Variants in USH2A observed in about 807,000 individuals in gnomAD.
USH2A encodes the protein usherin.
USH2A carries 443 observed loss-of-function variants against 538.9 expected under a neutral mutation model. The observed-to-expected ratio is 0.82, with a 90% CI of 0.76 to 0.89. The LOEUF (loss-of-function observed/expected upper bound fraction) is 0.89, where lower values mean the gene tolerates loss of function less well. Among genes scored for constraint, USH2A ranks in the 40% least tolerant of loss-of-function variants. The probability of loss-of-function intolerance (pLI) is 0.00; values close to 1 mark genes in which losing one functional copy is unlikely to be tolerated. For missense variants in USH2A, 6,633 were observed against 6,324.8 expected (o/e 1.05, Z -1.65); for synonymous variants, 2,413 against 2,273.5 (o/e 1.06, Z -1.75).
At chr1:216,226,231 T>C (rs1159886228) in intron 14 of USH2A, among the ~76,000 whole-genome samples, 6 of 152,226 alleles carry the variant, frequency 3.9e-5, no homozygotes, top group African/African-American at 1.2e-4. Context: ...TCCATGTGGA[T>C]ATAAAATGAG....
chr1:215,642,822 G>T (rs1457265618), intron 67 of USH2A, among the ~76,000 whole-genome samples: 4 of 151,934 alleles, frequency 2.6e-5, no homozygotes, highest in Non-Finnish European at 5.9e-5. Context: ...TTCAAATCAG[G>T]CCATTTTTCC....
At chr1:216,153,146 C>T (rs1334849377) in intron 21 of USH2A, among the ~76,000 whole-genome samples, 8 of 152,178 alleles carry the variant, frequency 5.3e-5, no homozygotes, top group Admixed American at 5.2e-4. Context: ...CCCACATTTA[C>T]CATCCTTCAG....
intron 21 of USH2A, among the ~76,000 whole-genome samples, chr1:216,133,489 G>C (rs2033419156): frequency 6.6e-6 from 1 of 152,084 alleles, no homozygotes; most frequent in African/African-American, 2.4e-5. Context: ...GCTGCACTAA[G>C]CATTAAGTGT....
At chr1:215,653,909 T>C (rs888908921) in intron 64 of USH2A, among the ~76,000 whole-genome samples, 4 of 152,186 alleles carry the variant, frequency 2.6e-5, no homozygotes, top group Non-Finnish European at 5.9e-5. Context: ...GAAAACTTTT[T>C]AGCAATATGT....
At chr1:216,054,347 A>G (rs1039413292) in intron 30 of USH2A, among the ~76,000 whole-genome samples, 13 of 152,166 alleles carry the variant, frequency 8.5e-5, no homozygotes, top group African/African-American at 3.1e-4. Context: ...GGAGCCAAAG[A>G]AAAATATTAA....
At chr1:216,084,505 A>T (rs937937623) in intron 25 of USH2A, among the ~76,000 whole-genome samples, 193 bp downstream of exon 25, 29 of 152,172 alleles carry the variant, frequency 1.9e-4, no homozygotes. Flanking sequence ...ATGGATGTAT[A>T]CTTATGAGTC....
At chr1:216,338,047 T>A (rs11805927) in intron 4 of USH2A, among the ~76,000 whole-genome samples, 2,032 of 151,422 alleles carry the variant, frequency 0.013, 47 homozygotes, top group African/African-American at 0.043. Context: ...TATACTATGA[T>A]CATGGATGAA....
intron 13 of USH2A, among the ~76,000 whole-genome samples, chr1:216,242,637 C>T (rs1048808621): frequency 6.6e-6 from 1 of 152,140 alleles, no homozygotes; most frequent in African/African-American, 2.4e-5. Context: ...TTTTAAACCA[C>T]TTACTGTTTC....
At position 215,782,776 on chromosome 1, in the gene USH2A, G is replaced by T. The variant is rs1486590293; in HGVS notation, c.10547C>A (p.Thr3516Lys). ...AGGTTTTCTCCAGTTTAAGACAATT[G>T]TATCTTCAAGATTGTCTATTTTGGT... The part of the protein sequence containing the change: ...TWTKIDNLED[T>K]IVLNWRKPIQ... The change falls in exon 53 of 72, where the codon ACA becomes AAA. Residue 3516 changes from threonine to lysine, a missense_variant. By Grantham distance (78) the Thr-to-Lys change is moderately conservative (BLOSUM62 -1). Transcript: ENST00000307340. The T allele has an allele frequency of 4.3e-6, 7 of 1,613,884 alleles. No individual in the cohort carries two copies. The highest frequency in any genetic ancestry group is 5.9e-6 in the Non-Finnish European group (7 of 1,179,872).
intron 40 of USH2A, among the ~76,000 whole-genome samples, chr1:215,890,783 C>T (rs1258327635): frequency 7.2e-5 from 11 of 152,154 alleles, no homozygotes; most frequent in Middle Eastern, 3.4e-3. Flanking sequence ...CAGAGAAAAG[C>T]AAGTACGAGT....
intron 9 of USH2A, among the ~76,000 whole-genome samples, chr1:216,299,015 T>C (rs949478118): frequency 6.6e-6 from 1 of 152,108 alleles, no homozygotes; most frequent in East Asian, 1.9e-4. Flanking sequence ...TAATTTGTTT[T>C]GTATTTTTAG....
intron 4 of USH2A, among the ~76,000 whole-genome samples, chr1:216,333,146 G>T (rs1005973950): frequency 2.0e-5 from 3 of 151,900 alleles, no homozygotes; most frequent in African/African-American, 7.2e-5. Flanking sequence ...TATGAGAAAA[G>T]AAATAGAAAA....
intron 3 of USH2A, among the ~76,000 whole-genome samples, chr1:216,412,519 A>G (rs1035391219): frequency 3.3e-5 from 5 of 152,118 alleles, no homozygotes; most frequent in African/African-American, 1.2e-4. Context: ...ATACAAAATT[A>G]CATTCTGTTG....
At chr1:215,769,760 C>G (rs538023340) in intron 55 of USH2A, among the ~76,000 whole-genome samples, 39 of 152,078 alleles carry the variant, frequency 2.6e-4, no homozygotes, top group Non-Finnish European at 5.9e-5. Context: ...AGAAAACCTT[C>G]GTCAAGAAGT....
intron 21 of USH2A, among the ~76,000 whole-genome samples, chr1:216,104,548 C>T (rs2102579850): frequency 6.6e-6 from 1 of 152,128 alleles, no homozygotes; most frequent in Non-Finnish European, 1.5e-5. Context: ...TTTGACAAAC[C>T]TGACGAAAAT....
At chr1:215,996,558 A>ATGTTT (rs1668143951) in intron 34 of USH2A, among the ~76,000 whole-genome samples, 1 of 46,070 alleles carries the variant, frequency 2.2e-5, no homozygotes, top group African/African-American at 9.8e-5. Context: ...GCAACATATT[A>ATGTTT]TGTTTTTTTT....
chr1:215,985,159 A>G (rs1558195399), intron 35 of USH2A, among the ~76,000 whole-genome samples: 1 of 152,242 alleles, frequency 6.6e-6, no homozygotes, highest in Non-Finnish European at 1.5e-5. Flanking sequence ...GAAAGAAAAT[A>G]GAATCACATT....
intron 46 of USH2A, among the ~76,000 whole-genome samples, chr1:215,843,085 G>C (rs1035924916): frequency 6.6e-6 from 1 of 152,096 alleles, no homozygotes; most frequent in Non-Finnish European, 1.5e-5. Context: ...CAGAGTAGGG[G>C]AGACTAAAGT....
chr1:216,383,821 T>C (rs1426803060), intron 3 of USH2A, among the ~76,000 whole-genome samples: 2 of 151,736 alleles, frequency 1.3e-5, no homozygotes, highest in East Asian at 3.9e-4. Flanking sequence ...ACTACAGGCA[T>C]GCACCACCAT....
Sources: allele counts gnomAD v4.1 joint callset (sites outside exome capture counted in the v4.1 genomes callset), GRCh38; gene constraint gnomAD v4.1.1; transcripts MANE v1.5; gene names NCBI Gene and HGNC (gene_info 2026-07-23, HGNC 2026-07-21).